The following SGCZ variants were observed in gnomAD, a reference collection of about 807,000 sequenced individuals.
SGCZ encodes the protein sarcoglycan zeta.
Under a neutral mutation model 41.3 loss-of-function variants are expected in SGCZ, and 40 were observed. The observed-to-expected ratio is 0.97, with a 90% CI of 0.75 to 1.26. The LOEUF (loss-of-function observed/expected upper bound fraction) is 1.26, where lower values mean the gene tolerates loss of function less well. Among genes scored for constraint, SGCZ ranks in the 50% most tolerant of loss-of-function variants. The pLI is 0.00. For missense variants in SGCZ, 552 were observed against 369.8 expected, an observed-to-expected ratio of 1.49 and a Z score of -4.04; for synonymous variants, 206 against 137.5, an observed-to-expected ratio of 1.50 and a Z score of -3.49.
At chr8:14,242,832 C>A (rs150894426) in intron 3 of SGCZ, among the ~76,000 whole-genome samples, 6 of 152,174 alleles carry the variant, frequency 3.9e-5, no homozygotes, top group African/African-American at 1.4e-4. Flanking sequence ...TTTCTTGGGG[C>A]TCATCTAATT....
At chr8:14,737,406 C>A (rs1008673668) in intron 1 of SGCZ, among the ~76,000 whole-genome samples, 5 of 151,962 alleles carry the variant, frequency 3.3e-5, no homozygotes, top group South Asian at 2.1e-4. Flanking sequence ...TTAAGTTGTA[C>A]CTTTTTTATT....
chr8:14,290,007 A>C (rs1184327376), intron 3 of SGCZ, among the ~76,000 whole-genome samples: 2 of 151,570 alleles, frequency 1.3e-5, no homozygotes, highest in Admixed American at 1.3e-4. Context: ...TCTTGTGAGA[A>C]CTCCAGCATT....
intron 1 of SGCZ, among the ~76,000 whole-genome samples, chr8:14,608,614 G>C (rs992535086): frequency 6.8e-6 from 1 of 146,092 alleles, no homozygotes; most frequent in Non-Finnish European, 1.5e-5. Context: ...ACTATATTTA[G>C]TCTGTTGTCT....
intron 1 of SGCZ, among the ~76,000 whole-genome samples, chr8:14,921,372 GTGAT>G (rs1194158450): frequency 2.0e-5 from 3 of 152,092 alleles, no homozygotes. Context: ...CACAATCTGT[GTGAT>G]TTCAGGCAAC....
intron 5 of SGCZ, among the ~76,000 whole-genome samples, chr8:14,133,471 G>C (rs553119152): frequency 6.6e-6 from 1 of 152,112 alleles, no homozygotes; most frequent in Non-Finnish European, 1.5e-5. Flanking sequence ...TCTCCAGACA[G>C]GTTACAAGAG....
chr8:14,498,163 C>CT (rs1259035480), intron 2 of SGCZ, among the ~76,000 whole-genome samples: 1 of 152,152 alleles, frequency 6.6e-6, no homozygotes, highest in Non-Finnish European at 1.5e-5. Context: ...TTTTCTCTAT[C>CT]TAGGCATTGT....
chr8:14,903,668 G>C (rs934804543), intron 1 of SGCZ, among the ~76,000 whole-genome samples: 1 of 152,004 alleles, frequency 6.6e-6, no homozygotes, highest in East Asian at 1.9e-4. Flanking sequence ...TTGAAAGAAC[G>C]TCTTATGTAT....
At position 14,685,503 on chromosome 8, in the gene SGCZ, C is replaced by A. The variant is rs540545084; in HGVS notation, c.40-130577G>T. ...CCTTTTATATGACAATCTCAATTTA[C>A]AACATACTTTGGTTAATTCATGTAT... On this transcript the variant is annotated intron_variant, in intron 1 of 7. Transcript: ENST00000382080. Among the ~76,000 whole-genome samples, 38 of 152,176 alleles carry A rather than the reference C, an allele frequency of 2.5e-4. 1 individual carries two copies. The East Asian group carries it at 7.0e-3, about 28-fold the overall frequency.
At chr8:14,649,360 A>G (rs1331547357) in intron 1 of SGCZ, among the ~76,000 whole-genome samples, 4 of 152,096 alleles carry the variant, frequency 2.6e-5, no homozygotes, top group Admixed American at 2.6e-4. Context: ...TGTTTTCCAG[A>G]TAATATTGCT....
At chr8:15,132,237 C>T (rs1029337772) in intron 1 of SGCZ, among the ~76,000 whole-genome samples, 2 of 152,152 alleles carry the variant, frequency 1.3e-5, no homozygotes, top group Non-Finnish European at 2.9e-5. Context: ...GAAAAGAGCA[C>T]ACTAGAAGTC....
intron 2 of SGCZ, among the ~76,000 whole-genome samples, chr8:14,429,152 C>A (rs1799872597): frequency 6.6e-6 from 1 of 152,140 alleles, no homozygotes; most frequent in Non-Finnish European, 1.5e-5. Context: ...TCCTTGTGGG[C>A]TGATACATAC....
intron 2 of SGCZ, among the ~76,000 whole-genome samples, chr8:14,333,756 TTAAA>T (rs1175904515): frequency 2.0e-5 from 3 of 152,080 alleles, no homozygotes; most frequent in South Asian, 2.1e-4. Context: ...GGGAAATACT[TTAAA>T]TACACCAGGG....
intron 1 of SGCZ, among the ~76,000 whole-genome samples, chr8:15,078,615 A>G (rs746069729): frequency 1.1e-4 from 16 of 151,998 alleles, no homozygotes; most frequent in Non-Finnish European, 8.8e-5. Context: ...TCTGTTTACA[A>G]TTATCTCCAC....
chr8:14,834,743 G>T (rs977392928), intron 1 of SGCZ, among the ~76,000 whole-genome samples: 1 of 152,140 alleles, frequency 6.6e-6, no homozygotes, highest in Non-Finnish European at 1.5e-5. Context: ...AGAGGGAAGC[G>T]TACAGAATAT....
At chr8:14,532,104 T>G (rs1803149939) in intron 2 of SGCZ, among the ~76,000 whole-genome samples, 1 of 152,080 alleles carries the variant, frequency 6.6e-6, no homozygotes, top group South Asian at 2.1e-4. Context: ...TAAAGAACTA[T>G]TGAAAATACT....
intron 1 of SGCZ, among the ~76,000 whole-genome samples, chr8:14,727,098 A>T (rs1810080531): frequency 6.6e-6 from 1 of 152,218 alleles, no homozygotes; most frequent in Non-Finnish European, 1.5e-5. Context: ...TATAAAGAGC[A>T]CATACAAGTA....
At chr8:14,694,412 T>C (rs1226053526) in intron 1 of SGCZ, among the ~76,000 whole-genome samples, 1 of 152,218 alleles carries the variant, frequency 6.6e-6, no homozygotes, top group African/African-American at 2.4e-5. Context: ...GAAAATTCAT[T>C]AATATTCTAA....
intron 2 of SGCZ, among the ~76,000 whole-genome samples, chr8:14,398,135 C>T (rs986820059): frequency 2.0e-5 from 3 of 152,064 alleles, no homozygotes; most frequent in African/African-American, 7.2e-5. Context: ...TCTGGAAAAA[C>T]AAAAGAGTGG....
At chr8:14,477,686 T>G (rs1353545580) in intron 2 of SGCZ, among the ~76,000 whole-genome samples, 1 of 152,194 alleles carries the variant, frequency 6.6e-6, no homozygotes, top group African/African-American at 2.4e-5. Flanking sequence ...AACATAAATT[T>G]TTTGAAGTGT....
Sources: allele counts gnomAD v4.1 joint callset (sites outside exome capture counted in the v4.1 genomes callset), GRCh38; gene constraint gnomAD v4.1.1; transcripts MANE v1.5; gene names NCBI Gene and HGNC (gene_info 2026-07-23, HGNC 2026-07-21).